The following RGS7 variants were observed in gnomAD, a reference collection of about 807,000 sequenced individuals.
RGS7 encodes regulator of G protein signaling 7.
In RGS7, 27 loss-of-function variants were observed where a neutral mutation model predicts 81.1. The ratio of observed to expected loss-of-function variants is 0.33; its 90% CI spans 0.25 to 0.46. RGS7 has a LOEUF of 0.46. RGS7 is among the 20% of genes least tolerant of loss of function. The pLI, the probability that RGS7 is intolerant of heterozygous loss-of-function variation, is 1.00. For synonymous variants in RGS7, 208 were observed against 207.7 expected (o/e 1.00, Z -0.01); for missense variants, 396 against 607.4 (o/e 0.65, Z 3.66).
Position 241,011,455 on chromosome 1 carries a change from GAAAACCAAGTA to G in RGS7, c.176-28337_176-28327del, listed in dbSNP as rs2058952188. On this transcript the variant is annotated intron_variant, in intron 3 of 18. Coordinates refer to ENST00000440928, the MANE Select transcript of RGS7 (RefSeq NM_001364886.1). ...CTGTGGCCCCTTGAGTGTTAGAAAT[GAAAACCAAGTA>G]AAAAGTAAGAATTAAGTTGTCTGCT... Among the ~76,000 whole-genome samples, 3 of 152,298 alleles carry G rather than the reference GAAAACCAAGTA, an allele frequency of 2.0e-5. No individual in the cohort carries two copies. The South Asian group carries it at 6.2e-4, about 32-fold the overall frequency.
At chr1:241,032,115 C>T (rs566795079) in intron 3 of RGS7, among the ~76,000 whole-genome samples, 1 of 152,338 alleles carries the variant, frequency 6.6e-6, no homozygotes, top group African/African-American at 2.4e-5. Flanking sequence ...TCAGGTCTTA[C>T]ATTTAAGTCT....
intron 2 of RGS7, among the ~76,000 whole-genome samples, chr1:241,118,357 C>A (rs151269745): frequency 6.6e-5 from 10 of 152,142 alleles, no homozygotes; most frequent in African/African-American, 1.7e-4. Context: ...TCTTGCCTTC[C>A]GCAAAGAGCT....
chr1:241,036,207 CTA>C (rs1183082955), intron 3 of RGS7, among the ~76,000 whole-genome samples: 1 of 152,096 alleles, frequency 6.6e-6, no homozygotes, highest in African/African-American at 2.4e-5. Context: ...CCATGTCAAA[CTA>C]TGTCTTTAAA....
intron 6 of RGS7, 88 bp from the exon 7 acceptor site, chr1:240,870,207 C>T: frequency 9.1e-7 from 1 of 1,100,684 alleles, no homozygotes; most frequent in Non-Finnish European, 1.4e-6. Flanking sequence ...AAGGGCATTG[C>T]ACTTTTTTCC....
At chr1:241,353,250 C>A (rs570025223) in intron 2 of RGS7, among the ~76,000 whole-genome samples, 16 of 152,324 alleles carry the variant, frequency 1.1e-4, no homozygotes, top group Middle Eastern at 6.8e-3. Flanking sequence ...TCAACCAACA[C>A]CCCTCTCCAA....
chr1:241,040,977 C>T (rs1467738272), intron 3 of RGS7, among the ~76,000 whole-genome samples: 5 of 152,138 alleles, frequency 3.3e-5, no homozygotes, highest in East Asian at 3.9e-4. Flanking sequence ...AGAGTGTGTA[C>T]GGGTGCATAA....
Position 241,350,741 on chromosome 1 carries a change from C to CA in RGS7, c.78+4957dup, listed in dbSNP as rs71172699. Among the ~76,000 whole-genome samples the CA allele has an allele frequency of 1.2e-4, 11 of 88,560 alleles. 1 individual carries two copies. The highest frequency in any genetic ancestry group is 4.7e-4 in the African/African-American group (11 of 23,540). The allele number at this position is 88,560 out of a possible 152,430, so 58.1% of individuals were successfully genotyped here. ...TGGCCAATACAATGAGACCCCATCT[C>CA]AAAAAAAAAAAAAAAAAAAAAAAAA... On this transcript the variant is annotated intron_variant, in intron 2 of 18. Coordinates refer to ENST00000440928, the MANE Select transcript of RGS7 (RefSeq NM_001364886.1).
intron 3 of RGS7, among the ~76,000 whole-genome samples, chr1:241,014,492 G>A (rs1169907968): frequency 6.6e-6 from 1 of 152,184 alleles, no homozygotes; most frequent in Non-Finnish European, 1.5e-5. Context: ...GGCACTCAAT[G>A]TTACTTGTCT....
intron 6 of RGS7, among the ~76,000 whole-genome samples, chr1:240,895,664 C>T (rs1490366084): frequency 6.6e-6 from 1 of 152,162 alleles, no homozygotes; most frequent in East Asian, 1.9e-4. Context: ...ATATGTGCCA[C>T]ATTTTCTTAA....
intron 4 of RGS7, among the ~76,000 whole-genome samples, chr1:240,969,324 C>T (rs1170093261): frequency 6.6e-6 from 1 of 152,148 alleles, no homozygotes; most frequent in Non-Finnish European, 1.5e-5. Flanking sequence ...AGCAAAGAGG[C>T]CAGCCAGCTA....
At chr1:241,222,685 G>A (rs1336395331) in intron 2 of RGS7, among the ~76,000 whole-genome samples, 1 of 152,132 alleles carries the variant, frequency 6.6e-6, no homozygotes, top group Admixed American at 6.5e-5. Flanking sequence ...TTTTAAATGA[G>A]AGAAGCAAAG....
chr1:240,949,753 C>T (rs1679238222), intron 4 of RGS7, among the ~76,000 whole-genome samples: 1 of 144,690 alleles, frequency 6.9e-6, no homozygotes, highest in Non-Finnish European at 1.5e-5. Context: ...GAGGCTGGGG[C>T]AGGAGAATGG....
chr1:241,242,552 C>G (rs180887937), intron 2 of RGS7, among the ~76,000 whole-genome samples: 19 of 152,298 alleles, frequency 1.2e-4, no homozygotes, highest in Middle Eastern at 6.8e-3. Flanking sequence ...GGAATCTCCA[C>G]ACTGTTTTCC....
intron 10 of RGS7, 37 bp from the exon 11 acceptor site, chr1:240,816,452 A>G: frequency 1.5e-6 from 2 of 1,339,852 alleles, no homozygotes; most frequent in Non-Finnish European, 1.1e-6. Context: ...TTAGGACAAA[A>G]TACCGTTTAC....
At chr1:241,281,144 C>T (rs533982655) in intron 2 of RGS7, among the ~76,000 whole-genome samples, 1 of 152,238 alleles carries the variant, frequency 6.6e-6, no homozygotes, top group South Asian at 2.1e-4. Flanking sequence ...AAAATATACA[C>T]AAGTCTATTA....
intron 2 of RGS7, among the ~76,000 whole-genome samples, chr1:241,234,485 CTTTTTTTT>C (rs59539573): frequency 1.4e-5 from 2 of 147,386 alleles, no homozygotes; most frequent in Non-Finnish European, 1.5e-5. Flanking sequence ...TTCTTTTTTT[CTTTTTTTT>C]TTTCTCCTTC....
chr1:241,210,283 G>A (rs182505512), intron 2 of RGS7, among the ~76,000 whole-genome samples: 21 of 152,232 alleles, frequency 1.4e-4, no homozygotes, highest in African/African-American at 4.6e-4. Context: ...CTGACTAGCT[G>A]GGCTTACAGG....
chr1:241,302,657 A>C (rs531127305), intron 2 of RGS7, among the ~76,000 whole-genome samples: 3 of 152,302 alleles, frequency 2.0e-5, no homozygotes, highest in African/African-American at 7.2e-5. Context: ...TTATCATACA[A>C]AATTTTAAAC....
chr1:241,033,486 T>C (rs914734108), intron 3 of RGS7, among the ~76,000 whole-genome samples: 1 of 152,140 alleles, frequency 6.6e-6, no homozygotes. Flanking sequence ...TTAAAATTTT[T>C]ATACAATTCA....
Sources: gnomAD v4.1 joint callset for allele counts (sites outside exome capture counted in the v4.1 genomes callset) on GRCh38, gnomAD v4.1.1 for gene constraint, MANE v1.5 for transcripts, NCBI Gene and HGNC (gene_info 2026-07-23, HGNC 2026-07-21) for gene names.